FRAS1: variants seen among roughly 807,000 people sequenced by gnomAD.
FRAS1 encodes Fraser extracellular matrix complex subunit 1.
FRAS1 carries 290 observed loss-of-function variants against 435.2 expected under a neutral mutation model. That is an observed-to-expected ratio of 0.67 (90% CI 0.61 to 0.73). FRAS1 has a LOEUF of 0.73. FRAS1 is among the 30% of genes least tolerant of loss of function. FRAS1 has a pLI of 0.00. For synonymous variants in FRAS1, 1,800 were observed against 1,851.0 expected (o/e 0.97, Z 0.71); for missense variants, 4,860 against 5,001.5 (o/e 0.97, Z 0.85).
In FRAS1 at chr4:78,448,124, T is replaced by C. The variant is rs746256479; in HGVS notation, c.6082T>C (p.Phe2028Leu). 6.2e-7 allele frequency: 1 copy of C among 1,613,716 alleles called. No individual in the cohort carries two copies. Among genetic ancestry groups the C allele is most frequent in the South Asian group, 1.1e-5 (1 of 91,030 alleles). ...NGRVLVQGST[F>L]TYQDILAGLV... ...GAGAGTTTTAGTCCAGGGCTCAACC[T>C]TCACCTACCAGGATATCCTAGCTGG... Residue 2028 changes from phenylalanine (F) to leucine (L), a missense_variant, in exon 44 of 74, where the codon TTC becomes CTC. Physicochemically the swap from Phe to Leu is conservative, Grantham distance 22 (BLOSUM62 0). Transcript: ENST00000512123.
chr4:78,195,206 C>T (rs1722747069), intron 2 of FRAS1, among the ~76,000 whole-genome samples: 1 of 152,222 alleles, frequency 6.6e-6, no homozygotes, highest in Admixed American at 6.5e-5. Flanking sequence ...CGCAGTTAGG[C>T]TACTCGGGGG....
At position 78,409,137 on chromosome 4, in the gene FRAS1, A is replaced by G. The variant is rs150076909; in HGVS notation, c.4308+1296A>G. Among the ~76,000 whole-genome samples the G allele has an allele frequency of 4.8e-3, 708 of 148,400 alleles. 9 individuals carry two copies. Among genetic ancestry groups the G allele is most frequent in the African/African-American group, 0.017 (671 of 40,146 alleles). The stretch of plus-strand genomic sequence containing the variant: ...CTCTCTCAAAAAAAAAAAAAAAAAG[A>G]CAAAAAGAAAACAAAAGAAAAATTA... On this transcript the variant is annotated intron_variant, in intron 31 of 73. Coordinates refer to ENST00000512123, the MANE Select transcript of FRAS1 (RefSeq NM_025074.7).
intron 42 of FRAS1, 113 bp from the exon 43 acceptor site, chr4:78,446,614 A>G: frequency 1.4e-6 from 2 of 1,439,984 alleles, no homozygotes; most frequent in Non-Finnish European, 1.8e-6. Flanking sequence ...GTGCCACATT[A>G]AATGCTATTT....
intron 2 of FRAS1, among the ~76,000 whole-genome samples, chr4:78,111,802 T>C (rs980150068): frequency 7.1e-6 from 1 of 140,032 alleles, no homozygotes; most frequent in African/African-American, 2.7e-5. Flanking sequence ...TTTGCAACAA[T>C]GTAAAAGTCC....
intron 57 of FRAS1, 98 bp downstream of exon 57, chr4:78,482,062 T>C: frequency 8.3e-7 from 1 of 1,208,010 alleles, no homozygotes; most frequent in Non-Finnish European, 1.2e-6. Flanking sequence ...CCCCTGGCGA[T>C]ATTCCTATCT....
intron 20 of FRAS1, among the ~76,000 whole-genome samples, chr4:78,346,269 T>C (rs1344815282): frequency 6.6e-6 from 1 of 152,218 alleles, no homozygotes; most frequent in Non-Finnish European, 1.5e-5. Context: ...ATAACTCATG[T>C]TTATTGAACA....
chr4:78,535,558 G>A (rs1433030776), intron 71 of FRAS1, among the ~76,000 whole-genome samples: 2 of 152,020 alleles, frequency 1.3e-5, no homozygotes, highest in Admixed American at 1.3e-4. Flanking sequence ...AAAATCTCAG[G>A]GTTATCCTCA....
rs757366010 is a variant in FRAS1, at chr4:78,278,725, A to T, written c.1052A>T (p.Tyr351Phe). ...ECISRNGYCV[Y>F]EETGEFMSSN... ...ATTTCAAGGAATGGTTATTGTGTTT[A>T]TGAAGAAACTGGAGAATTTGTGAGT... Residue 351 changes from tyrosine to phenylalanine, a missense_variant, in exon 10 of 74, where the codon TAT becomes TTT. Physicochemically the swap from Tyr to Phe is conservative, Grantham distance 22 (BLOSUM62 3). Coordinates refer to ENST00000512123, the MANE Select transcript of FRAS1 (RefSeq NM_025074.7). 6.3e-7 allele frequency: 1 copy of T among 1,597,262 alleles called. No individual in the cohort carries two copies. The highest frequency in any genetic ancestry group is 8.6e-7 in the Non-Finnish European group (1 of 1,166,038).
Position 78,438,564 on chromosome 4 carries a change from C to T in FRAS1, c.5218-6C>T. 6.2e-7 allele frequency: 1 copy of T among 1,613,742 alleles called. No homozygotes were observed. The highest frequency in any genetic ancestry group is 8.5e-7 in the Non-Finnish European group (1 of 1,179,764). On this transcript the variant is annotated splice_region_variant and splice_polypyrimidine_tract_variant and intron_variant, in intron 38 of 73. Coordinates refer to ENST00000512123, the MANE Select transcript of FRAS1 (RefSeq NM_025074.7). ...TTCATGTCCTGCCTCATGTTTGCCT[C>T]ATTAGGATGATTCTTCCCCCGACCC... is the stretch of plus-strand genomic sequence containing the variant.
intron 14 of FRAS1, among the ~76,000 whole-genome samples, chr4:78,300,208 A>C (rs1449488613): frequency 6.6e-6 from 1 of 152,214 alleles, no homozygotes; most frequent in Non-Finnish European, 1.5e-5. Flanking sequence ...TTGCATCCAC[A>C]TCTTTAACTA....
chr4:78,539,431 A>C lies in FRAS1; in HGVS notation c.11436A>C (p.Ala3812=), dbSNP rs1721982122. ...GVDGFTLKVD[A]LYKVEAGHQW... Reference sequence around the variant, plus strand: ...ATGGATTTACTCTAAAAGTAGATGCACTCTATAAGGTGAGTTTGGTGAGAA... The same window carrying C: ...ATGGATTTACTCTAAAAGTAGATGCCCTCTATAAGGTGAGTTTGGTGAGAA... The change falls in exon 73 of 74, where the codon GCA becomes GCC. Residue 3812 remains alanine (A), a synonymous_variant. Transcript: ENST00000512123. 1 of 1,610,136 alleles carries C rather than the reference A, an allele frequency of 6.2e-7. No individual in the cohort carries two copies. The highest frequency in any genetic ancestry group is 8.5e-7 in the Non-Finnish European group (1 of 1,178,728).
intron 1 of FRAS1, 63 bp downstream of exon 1, chr4:78,058,148 G>A: frequency 2.1e-6 from 3 of 1,423,934 alleles, no homozygotes; most frequent in South Asian, 2.4e-5. Context: ...GTATGTGTGA[G>A]TGATCGTGCA....
chr4:78,127,574 G>C (rs1348511930), intron 2 of FRAS1, among the ~76,000 whole-genome samples: 3 of 151,972 alleles, frequency 2.0e-5, no homozygotes, highest in African/African-American at 7.3e-5. Context: ...TAATTGAAGA[G>C]GAATCAAGGA....
rs886059633 is a variant in FRAS1, at chr4:78,466,213, G to A, written c.7035G>A (p.Glu2345=). The A allele has an allele frequency of 6.2e-7, 1 of 1,613,824 alleles. No individual in the cohort carries two copies. The change falls in exon 50 of 74, where the codon GAG becomes GAA. Residue 2345 remains glutamate (E), a synonymous_variant. Transcript: ENST00000512123. ...GTATTTTGCCTTCCGGACAGGCCGA[G>A]TCTGTCACATTCACCATCGTGCAGC... ...LKAVDADTEA[E]SVTFTIVQPP...
intron 20 of FRAS1, among the ~76,000 whole-genome samples, chr4:78,346,671 T>G (rs1730614513): frequency 6.6e-6 from 1 of 152,186 alleles, no homozygotes; most frequent in Non-Finnish European, 1.5e-5. Context: ...TGCTTTCTTT[T>G]TTGTTTAGAA....
At chr4:78,306,855 TC>T (rs1159416099) in intron 14 of FRAS1, among the ~76,000 whole-genome samples, 3 of 152,270 alleles carry the variant, frequency 2.0e-5, no homozygotes, top group African/African-American at 7.2e-5. Flanking sequence ...GAAGCCTTCT[TC>T]TTTCAGCTCG....
At chr4:78,476,470 AT>A (rs771669940) in intron 54 of FRAS1, among the ~76,000 whole-genome samples, 3 of 151,652 alleles carry the variant, frequency 2.0e-5, no homozygotes, top group East Asian at 1.9e-4. Context: ...CTGACACTTA[AT>A]TTTTTTTTCA....
At chr4:78,246,398 C>T (rs570874710) in intron 4 of FRAS1, among the ~76,000 whole-genome samples, 3 of 152,112 alleles carry the variant, frequency 2.0e-5, no homozygotes, top group African/African-American at 7.2e-5. Flanking sequence ...TTATCTTACT[C>T]GAGCCACTGT....
At chr4:78,396,866 TC>T (rs1172855717) in intron 29 of FRAS1, among the ~76,000 whole-genome samples, 1 of 152,210 alleles carries the variant, frequency 6.6e-6, no homozygotes, top group Non-Finnish European at 1.5e-5. Flanking sequence ...TTTGAGTTGT[TC>T]TTTTTAAGAT....
Sources: gnomAD v4.1 joint callset for allele counts (sites outside exome capture counted in the v4.1 genomes callset) on GRCh38, gnomAD v4.1.1 for gene constraint, MANE v1.5 for transcripts, NCBI Gene and HGNC (gene_info 2026-07-23, HGNC 2026-07-21) for gene names.